Variants in SLC4A1 observed in about 807,000 individuals in gnomAD.
SLC4A1 encodes the protein band 3 anion transport protein.
SLC4A1 carries 29 observed loss-of-function variants against 93.1 expected under a neutral mutation model. The observed-to-expected ratio is 0.31, with a 90% CI of 0.23 to 0.42. The LOEUF is 0.42. Among genes scored for constraint, SLC4A1 ranks in the 20% least tolerant of loss-of-function variants. SLC4A1 has a pLI of 1.00. For synonymous variants in SLC4A1, 469 were observed against 497.2 expected, an observed-to-expected ratio of 0.94 and a Z score of 0.76; for missense variants, 965 against 1,190.1, an observed-to-expected ratio of 0.81 and a Z score of 2.78.
rs369100392 is a variant in SLC4A1, at chr17:44,253,071, G to T, written c.2311+47C>A. Reference sequence around the variant, plus strand: ...GAAAGGGGAAGGGGAAGGGGCCGGGGGTGAGGGGCAGGAGGATGGTGAAGA... The same window carrying T: ...GAAAGGGGAAGGGGAAGGGGCCGGGTGTGAGGGGCAGGAGGATGGTGAAGA... On this transcript the variant is annotated intron_variant, in intron 17 of 19. Transcript: ENST00000262418. 23 of 1,597,552 alleles carry T rather than the reference G, an allele frequency of 1.4e-5. No homozygotes were observed. The African/African-American group carries it at 1.9e-4, about 13-fold the overall frequency.
chr17:44,255,292 C>T lies in SLC4A1; in HGVS notation c.1805G>A (p.Arg602His), dbSNP rs121912754. 12 of 1,554,304 alleles carry T rather than the reference C, an allele frequency of 7.7e-6. No homozygotes were observed. The highest frequency in any genetic ancestry group is 5.9e-5 in the Admixed American group (3 of 50,992). Reference protein sequence around the residue: ...KNSSYFPGKLRRVIGDFGVPI... With the variant: ...KNSSYFPGKLHRVIGDFGVPI... ...GACCCCGAAGTCCCCGATGACCCGACGCAGCTGGGGGCAGGTGAAAGGACC... is the reference window on the plus strand; with the variant it reads ...GACCCCGAAGTCCCCGATGACCCGATGCAGCTGGGGGCAGGTGAAAGGACC... Residue 602 changes from arginine to histidine, a missense_variant, in exon 15 of 20, where the codon CGT becomes CAT. Coordinates refer to ENST00000262418, the MANE Select transcript of SLC4A1 (RefSeq NM_000342.4).
rs530745076 is a variant in SLC4A1, at chr17:44,248,690, G to A, written c.*1768C>T. On this transcript the variant is annotated 3_prime_UTR_variant, in exon 20 of 20. Transcript: ENST00000262418. ...ACGAGGAAACTGAACTGTAGCATGG[G>A]CGAAGTGGTGAAAGGTGGGTGTCAG... is the stretch of plus-strand genomic sequence containing the variant. 5.1e-5 allele frequency: 8 copies of A among 155,634 alleles called. No homozygotes were observed. The highest frequency in any genetic ancestry group is 9.9e-5 in the Non-Finnish European group (7 of 70,690). The allele number at this position is 155,634 out of a possible 1,614,324, so 9.6% of individuals were successfully genotyped here.
chr17:44,254,273 G>A (rs2144604101), intron 16 of SLC4A1, among the ~76,000 whole-genome samples: 1 of 151,936 alleles, frequency 6.6e-6, no homozygotes, highest in Middle Eastern at 3.4e-3. Context: ...ACCGCGCCCG[G>A]CCACGTTTTT....
intron 1 of SLC4A1, among the ~76,000 whole-genome samples, chr17:44,266,245 C>G (rs561400779): frequency 6.6e-6 from 1 of 152,260 alleles, no homozygotes; most frequent in African/African-American, 2.4e-5. Context: ...TTTTCCTCCT[C>G]CCTCTCTGCT....
intron 3 of SLC4A1, chr17:44,261,937 C>T (rs1300760366): frequency 8.7e-7 from 1 of 1,149,080 alleles, no homozygotes; most frequent in Non-Finnish European, 1.1e-6. Context: ...AAGGTGACGG[C>T]AGAGCCCTGA....
In SLC4A1 at chr17:44,262,525, C is replaced by T. The variant is rs55687769; in HGVS notation, c.106+111G>A. The T allele has an allele frequency of 7.4e-4, 564 of 766,698 alleles. 3 individuals carry two copies. In the African/African-American group the frequency reaches 8.4e-3, roughly 11 times the overall value. 47.5% of individuals were successfully genotyped at this position (766,698 alleles called of 1,614,324 possible). A position where few individuals can be genotyped will look rare whatever the true frequency, so the allele number is the denominator to read the frequency against. On this transcript the variant is annotated intron_variant, in intron 3 of 19. Coordinates refer to ENST00000262418, the MANE Select transcript of SLC4A1 (RefSeq NM_000342.4). Reference sequence around the variant, plus strand: ...TCAGCCAGAATTGAGGGGAGAACGGCCCGTGGTGCTTGGGAGGAGGACTGT... The same window carrying T: ...TCAGCCAGAATTGAGGGGAGAACGGTCCGTGGTGCTTGGGAGGAGGACTGT...
In SLC4A1 at chr17:44,262,702, C is replaced by T. The variant is rs763516149; in HGVS notation, c.40G>A (p.Glu14Lys). The T allele has an allele frequency of 1.1e-5, 17 of 1,614,050 alleles. No individual in the cohort carries two copies. Among genetic ancestry groups the T allele is most frequent in the Non-Finnish European group, 9.3e-6 (11 of 1,180,016 alleles). The change falls in exon 3 of 20, where the codon GAG (glutamate) becomes AAG (lysine). Residue 14 changes from glutamate to lysine, a missense_variant. This residue lies in a region of SLC4A1 where 195 missense variants were observed against 183.5 expected (regional missense o/e 1.06). Coordinates refer to ENST00000262418, the MANE Select transcript of SLC4A1 (RefSeq NM_000342.4). ...LQDDYEDMME[E>K]NLEQEEYEDP... ...TCATATTCCTCCTGCTCCAGATTCT[C>T]CTCCATCATGTCTTCATAATCATCC...
At chr17:44,267,030 G>A (rs994964955) in intron 1 of SLC4A1, among the ~76,000 whole-genome samples, 3 of 152,150 alleles carry the variant, frequency 2.0e-5, no homozygotes, top group Admixed American at 1.3e-4. Context: ...GAAGAGTAAT[G>A]TCATTAATCC....
intron 16 of SLC4A1, 52 bp downstream of exon 16, chr17:44,254,444 A>G: frequency 6.4e-7 from 1 of 1,555,572 alleles, no homozygotes; most frequent in South Asian, 1.1e-5. Context: ...AATGCCAGGG[A>G]AAGGTCCCTG....
chr17:44,260,479 T>C lies in SLC4A1; in HGVS notation c.410A>G (p.Asp137Gly), dbSNP rs774589011. 2 of 1,614,158 alleles carry C rather than the reference T, an allele frequency of 1.2e-6. No homozygotes were observed. The highest frequency in any genetic ancestry group is 2.2e-5 in the South Asian group (2 of 91,072). ...GATCTGGTCTTCAAAGATAAACCTG[T>C]CTAGCAGTTGGTTGGCCACTCCAGC... ...SLAGVANQLL[D>G]RFIFEDQIRP... The change falls in exon 6 of 20, where the codon GAC (aspartate) becomes GGC (glycine). Residue 137 changes from aspartate (D) to glycine (G), a missense_variant. By Grantham distance (94) the Asp-to-Gly change is moderately conservative. Around this residue, in one of 2 missense-constraint regions of SLC4A1, gnomAD observed 195 missense variants for 183.5 expected, o/e 1.06. Coordinates refer to ENST00000262418, the MANE Select transcript of SLC4A1 (RefSeq NM_000342.4).
At chr17:44,267,494 C>T (rs990381123) in intron 1 of SLC4A1, among the ~76,000 whole-genome samples, 2 of 152,220 alleles carry the variant, frequency 1.3e-5, no homozygotes, top group Admixed American at 6.5e-5. Context: ...CTTCATTTCC[C>T]CTCTGATTTG....
chr17:44,257,534 G>C lies in SLC4A1; in HGVS notation c.1442C>G (p.Thr481Ser), dbSNP rs199607239. 1.2e-5 allele frequency: 20 copies of C among 1,614,098 alleles called. No homozygotes were observed. In the Admixed American group the frequency reaches 3.3e-4, roughly 27 times the overall value. Residue 481 changes from threonine (T) to serine (S), a missense_variant, in exon 13 of 20, where the codon ACC (threonine) becomes AGC (serine). By Grantham distance (58) the Thr-to-Ser change is moderately conservative. This residue lies in a region of SLC4A1 where 770 missense variants were observed against 1,006.6 expected (regional missense o/e 0.76). Coordinates refer to ENST00000262418, the MANE Select transcript of SLC4A1 (RefSeq NM_000342.4). The stretch of plus-strand genomic sequence containing the variant: ...GCCCACGATGTACTCTAGACCGTTG[G>C]TCTCGCAGAACTGCAGGGTGGTCAG... ...FEEAFFSFCE[T>S]NGLEYIVGRV...
At chr17:44,259,738 C>T (rs1218598441) in intron 7 of SLC4A1, 71 bp downstream of exon 7, 1 of 1,609,614 alleles carries the variant, frequency 6.2e-7, no homozygotes, top group Non-Finnish European at 8.5e-7. Flanking sequence ...TTTCAGGACC[C>T]CTGCTGGCGT....
intron 1 of SLC4A1, among the ~76,000 whole-genome samples, chr17:44,263,239 A>AC (rs1443265723): frequency 6.6e-6 from 1 of 152,026 alleles, no homozygotes; most frequent in Non-Finnish European, 1.5e-5. Flanking sequence ...TCTAGTCTTC[A>AC]CCTGGCTTCT....
intron 1 of SLC4A1, among the ~76,000 whole-genome samples, chr17:44,265,979 CAA>C (rs753916308): frequency 2.7e-4 from 23 of 84,984 alleles, no homozygotes; most frequent in Admixed American, 2.6e-4. Flanking sequence ...GACTCCGTCT[CAA>C]AAAAAAAAAA....
chr17:44,260,855 T>C (rs750699404), intron 4 of SLC4A1, 40 bp from the exon 5 acceptor site: 4 of 1,602,648 alleles, frequency 2.5e-6, no homozygotes, highest in Non-Finnish European at 3.4e-6. Flanking sequence ...TCAGGCATAG[T>C]CCAGGGCATA....
In SLC4A1 at chr17:44,253,389, G is replaced by A. The variant is rs1410466811; in HGVS notation, c.2058-18C>T. The A allele has an allele frequency of 1.9e-6, 3 of 1,605,112 alleles. No individual in the cohort carries two copies. Among genetic ancestry groups the A allele is most frequent in the South Asian group, 2.2e-5 (2 of 90,894 alleles). ...CAATCAGCCTACGGTAGGGGAAGGT[G>A]AGGGGTAAGCAGGGTTCTCCCCTGC... On this transcript the variant is annotated intron_variant, in intron 16 of 19. Coordinates refer to ENST00000262418, the MANE Select transcript of SLC4A1 (RefSeq NM_000342.4).
At chr17:44,250,669 T>A in intron 19 of SLC4A1, 131 bp from the exon 20 acceptor site, 2 of 719,426 alleles carry the variant, frequency 2.8e-6, no homozygotes, top group Non-Finnish European at 4.9e-6. Context: ...AGTCCTGTTT[T>A]ATCTCCCCAG....
intron 16 of SLC4A1, 111 bp from the exon 17 acceptor site, chr17:44,253,482 C>A: frequency 7.1e-7 from 1 of 1,403,294 alleles, no homozygotes; most frequent in South Asian, 1.4e-5. Context: ...TTCTGTGCCC[C>A]TCGCTCTTTG....
Sources: gnomAD v4.1 joint callset for allele counts (sites outside exome capture counted in the v4.1 genomes callset) on GRCh38, gnomAD v4.1.1 for gene constraint, gnomAD v4.1.1 regional missense constraint, MANE v1.5 for transcripts, NCBI Gene and HGNC (gene_info 2026-07-23, HGNC 2026-07-21) for gene names.